The following SPATA13 variants were observed in gnomAD, a reference collection of about 807,000 sequenced individuals.
The protein encoded by SPATA13 is spermatogenesis-associated protein 13.
SPATA13 carries 50 observed loss-of-function variants against 104.0 expected under a neutral mutation model. The observed-to-expected ratio is 0.48, with a 90% CI of 0.38 to 0.61. SPATA13 has a LOEUF of 0.61. SPATA13 is among the 20% of genes least tolerant of loss of function. SPATA13 has a pLI of 0.00. For synonymous variants in SPATA13, 606 were observed against 667.5 expected (o/e 0.91, Z 1.42); for missense variants, 1,524 against 1,690.6 (o/e 0.90, Z 1.73).
Position 24,169,371 on chromosome 13 carries a change from G to A in SPATA13, c.-112+8439G>A, listed in dbSNP as rs894873609. ...TGTAGATTAAACAGTGGGATTCTGG[G>A]TAAGCAAAAGTGGCAGCTTCTTCCG... On this transcript the variant is annotated intron_variant, in intron 1 of 12. Transcript: ENST00000382108. 3.3e-5 allele frequency among the ~76,000 whole-genome samples: 5 copies of A among 152,314 alleles called. No homozygotes were observed. The South Asian group carries it at 8.3e-4, about 25-fold the overall frequency.
chr13:24,206,706 A>C (rs1224656454), intron 1 of SPATA13, among the ~76,000 whole-genome samples: 7 of 152,184 alleles, frequency 4.6e-5, no homozygotes, highest in Admixed American at 4.6e-4. Flanking sequence ...AGCCTGGCTA[A>C]CGTGGTAAAA....
At chr13:24,022,799 C>T (rs938589587) in intron 3 of SPATA13, among the ~76,000 whole-genome samples, 6 of 152,024 alleles carry the variant, frequency 3.9e-5, no homozygotes, top group African/African-American at 1.2e-4. Context: ...CATAAGTTTT[C>T]CTGGAATTAG....
intron 1 of SPATA13, among the ~76,000 whole-genome samples, chr13:24,207,206 G>A (rs112877296): frequency 1.3e-5 from 2 of 152,152 alleles, no homozygotes; most frequent in Non-Finnish European, 2.9e-5. Flanking sequence ...AACACACGGT[G>A]GGGTCTGTCT....
chr13:24,024,922 ACATT>A (rs1043685206), intron 3 of SPATA13, among the ~76,000 whole-genome samples: 5 of 149,826 alleles, frequency 3.3e-5, no homozygotes, highest in African/African-American at 1.2e-4. Flanking sequence ...AATTTTAAAA[ACATT>A]CAAATTCATA....
At chr13:24,029,932 A>G (rs916886605) in intron 3 of SPATA13, among the ~76,000 whole-genome samples, 6 of 152,282 alleles carry the variant, frequency 3.9e-5, no homozygotes, top group Admixed American at 3.3e-4. Context: ...AGCTCCATCC[A>G]TGTTCATGCA....
chr13:24,157,528 C>A (rs1490500666), upstream of SPATA13, among the ~76,000 whole-genome samples: 1 of 152,150 alleles, frequency 6.6e-6, no homozygotes, highest in African/African-American at 2.4e-5. Context: ...TCTCGATCTC[C>A]TGACCTCGTG....
intron 3 of SPATA13, among the ~76,000 whole-genome samples, chr13:24,100,555 A>G (rs1880227630): frequency 6.6e-6 from 1 of 152,224 alleles, no homozygotes; most frequent in Non-Finnish European, 1.5e-5. Flanking sequence ...GTTCTGACAC[A>G]TGAAGATGAT....
At chr13:24,151,239 T>C (rs146737149) in intron 3 of SPATA13, among the ~76,000 whole-genome samples, 1 of 152,306 alleles carries the variant, frequency 6.6e-6, no homozygotes, top group Admixed American at 6.5e-5. Context: ...CCTTCAGCAT[T>C]CAGGTTACAT....
At position 24,058,954 on chromosome 13, in the gene SPATA13, C is replaced by G. The variant is rs185817912; in HGVS notation, c.-112+41253C>G. 1.6e-5 allele frequency among the ~76,000 whole-genome samples: 2 copies of G among 124,694 alleles called. 1 individual carries two copies. The highest frequency in any genetic ancestry group is 3.8e-5 in the Non-Finnish European group (2 of 53,240). 81.8% of individuals were successfully genotyped at this position (124,694 alleles called of 152,430 possible). ...TAAGCTCCAGGACAAGAGCCATGGT[C>G]TGTGTATTGTTTTTTGTTTTGTTTT... On this transcript the variant is annotated intron_variant, in intron 3 of 14. Coordinates refer to the SPATA13 transcript ENST00000424834.
At chr13:24,297,055 A>G (rs918792580) in intron 10 of SPATA13, among the ~76,000 whole-genome samples, 3 of 151,962 alleles carry the variant, frequency 2.0e-5, no homozygotes, top group Non-Finnish European at 4.4e-5. Flanking sequence ...GTTGTTGTTT[A>G]GAGAGAAGGG....
chr13:24,183,255 A>G (rs188763122), intron 1 of SPATA13, among the ~76,000 whole-genome samples: 4 of 152,350 alleles, frequency 2.6e-5, no homozygotes, highest in Admixed American at 1.3e-4. Flanking sequence ...ACATTTTTCA[A>G]TACAAGTCAA....
chr13:24,222,286 G>A lies in SPATA13; in HGVS notation c.-111-533G>A, dbSNP rs144651483. ...TGAGGCTCTCAGTTAGTGTTTGGGC[G>A]TCTCAGCCCTCCTGGACAGGAGGCA... On this transcript the variant is annotated intron_variant, in intron 1 of 12. Coordinates refer to ENST00000382108, the MANE Select transcript of SPATA13 (RefSeq NM_001166271.3). Among the ~76,000 whole-genome samples the A allele has an allele frequency of 1.6e-4, 25 of 152,266 alleles. 1 individual carries two copies. Among genetic ancestry groups the A allele is most frequent in the African/African-American group, 5.1e-4 (21 of 41,570 alleles).
rs185857041 is a variant in SPATA13 at position 24,048,192 on chromosome 13, C to T, written c.-112+30491C>T. On this transcript the variant is annotated intron_variant, in intron 3 of 14. Coordinates refer to the SPATA13 transcript ENST00000424834. ...TACCTGCCACCTGGGTATCACTCAG[C>T]CCAGTCAAGTGGACACATAAAATTC... Among the ~76,000 whole-genome samples the T allele has an allele frequency of 1.4e-3, 212 of 152,344 alleles. 1 individual carries two copies. Among genetic ancestry groups the T allele is most frequent in the Admixed American group, 6.1e-3 (94 of 15,296 alleles).
intron 3 of SPATA13, among the ~76,000 whole-genome samples, chr13:24,042,513 A>T (rs9580839): frequency 0.47 from 71,425 of 152,026 alleles, 17,582 homozygotes; most frequent in African/African-American, 0.61. Flanking sequence ...CAGAGACACA[A>T]GTGCACGTCC....
chr13:24,173,736 C>T (rs1566132984), intron 1 of SPATA13, among the ~76,000 whole-genome samples: 1 of 152,094 alleles, frequency 6.6e-6, no homozygotes. Flanking sequence ...TTTTCTTCTT[C>T]AGCCTGTTAA....
chr13:24,132,341 G>T (rs1317243695), intron 3 of SPATA13, among the ~76,000 whole-genome samples: 2 of 152,198 alleles, frequency 1.3e-5, no homozygotes, highest in Non-Finnish European at 2.9e-5. Context: ...TCAGGCTTCA[G>T]TTTCATAGGG....
At chr13:24,163,388 C>A (rs998262589) in intron 1 of SPATA13, among the ~76,000 whole-genome samples, 1 of 152,058 alleles carries the variant, frequency 6.6e-6, no homozygotes, top group Non-Finnish European at 1.5e-5. Flanking sequence ...GGTGACAGAA[C>A]GAGAGACTCT....
intron 3 of SPATA13, among the ~76,000 whole-genome samples, chr13:24,125,674 G>A (rs1216940515): frequency 6.6e-6 from 1 of 152,152 alleles, no homozygotes; most frequent in Non-Finnish European, 1.5e-5. Context: ...AGGGATGGAC[G>A]TTTTTGTTGC....
In SPATA13 at chr13:24,000,705, G is replaced by C. The variant is rs532083744; in HGVS notation, c.-147+16772G>C. Among the ~76,000 whole-genome samples, 3 of 152,228 alleles carry C rather than the reference G, an allele frequency of 2.0e-5. No homozygotes were observed. In the South Asian group the frequency reaches 6.2e-4, roughly 32 times the overall value. On this transcript the variant is annotated intron_variant, in intron 2 of 14. Transcript: ENST00000424834. ...AAGAAAGGGAATTCAGGAAAGCCTT[G>C]GGTTAGAGGTGTGAATTTGGGAGAG...
Sources: gnomAD v4.1 joint callset for allele counts (sites outside exome capture counted in the v4.1 genomes callset) on GRCh38, gnomAD v4.1.1 for gene constraint, MANE v1.5 for transcripts, NCBI Gene and HGNC (gene_info 2026-07-23, HGNC 2026-07-21) for gene names.